ANGPTL5: variants seen among roughly 807,000 people sequenced by gnomAD.
The protein encoded by ANGPTL5 is angiopoietin-related protein 5.
In ANGPTL5, 34 loss-of-function variants were observed where a neutral mutation model predicts 39.4. The observed-to-expected ratio is 0.86, with a 90% CI of 0.66 to 1.15. The LOEUF (loss-of-function observed/expected upper bound fraction) is 1.15, where lower values mean the gene tolerates loss of function less well. Ranked by LOEUF, ANGPTL5 falls within the 50% of genes most tolerant of loss-of-function variation. The pLI, the probability that ANGPTL5 is intolerant of heterozygous loss-of-function variation, is 0.00. For synonymous variants in ANGPTL5, 146 were observed against 152.1 expected (o/e 0.96, Z 0.29); for missense variants, 467 against 457.5 (o/e 1.02, Z -0.19).
At chr11:101,914,028 C>T (rs879518732) in intron 1 of ANGPTL5, among the ~76,000 whole-genome samples, 2 of 152,154 alleles carry the variant, frequency 1.3e-5, no homozygotes, top group Non-Finnish European at 2.9e-5. Context: ...TAAAATCTGT[C>T]GCCAGTGTAC....
intron 1 of ANGPTL5, chr11:101,915,053 C>A (rs925988987): frequency 2.0e-6 from 1 of 505,752 alleles, no homozygotes; most frequent in East Asian, 3.2e-5. Flanking sequence ...GGGTTGCTGC[C>A]GCCCCATCTG....
chr11:101,901,015 C>CTTTTTTTTTTTTTTTTTTTTTTTTTT (rs34425298), intron 6 of ANGPTL5, among the ~76,000 whole-genome samples: 1 of 98,658 alleles, frequency 1.0e-5, no homozygotes, highest in Non-Finnish European at 1.9e-5. Flanking sequence ...GCACCCCCGG[C>CTTTTTTTTTTTTTTTTTTTTTTTTTT]TTTTTTTTTT....
chr11:101,900,476 G>T lies in ANGPTL5; in HGVS notation c.615C>A (p.Phe205Leu). ...CCAGATAATCACACCACAACCTCTG[G>T]AAATCAATTATCCCATCAATTCTTT... ...IQKRIDGIIDFQRLWCDYLDG... is the reference protein window; with the variant it reads ...IQKRIDGIIDLQRLWCDYLDG... Residue 205 changes from phenylalanine to leucine, a missense_variant, in exon 7 of 9, where the codon TTC becomes TTA. Transcript: ENST00000334289. 1.2e-6 allele frequency: 2 copies of T among 1,613,468 alleles called. No individual in the cohort carries two copies. The highest frequency in any genetic ancestry group is 1.7e-6 in the Non-Finnish European group (2 of 1,179,714).
At chr11:101,912,167 T>A (rs758658552) in intron 1 of ANGPTL5, among the ~76,000 whole-genome samples, 1 of 152,276 alleles carries the variant, frequency 6.6e-6, no homozygotes, top group Non-Finnish European at 1.5e-5. Flanking sequence ...ACCTGGAAAG[T>A]GCTTGGCACA....
chr11:101,902,348 C>A (rs954162222), intron 6 of ANGPTL5, among the ~76,000 whole-genome samples: 5 of 152,086 alleles, frequency 3.3e-5, no homozygotes, highest in Non-Finnish European at 5.9e-5. Flanking sequence ...ATAATACAAG[C>A]TTTTGCATCA....
rs563878683 is a variant in ANGPTL5, at chr11:101,901,354, G to C, written c.541-804C>G. ...GCACGGCTAAATATTTCACGTGCTT[G>C]TCTTTGCTCTTTTCTCCCACAAACC... On this transcript the variant is annotated intron_variant, in intron 6 of 8. Transcript: ENST00000334289. Among the ~76,000 whole-genome samples the C allele has an allele frequency of 5.3e-5, 8 of 152,156 alleles. No individual in the cohort carries two copies. The South Asian group carries it at 1.5e-3, about 28-fold the overall frequency.
chr11:101,913,281 A>C (rs1336377998), intron 1 of ANGPTL5, among the ~76,000 whole-genome samples: 1 of 152,242 alleles, frequency 6.6e-6, no homozygotes, highest in African/African-American at 2.4e-5. Context: ...ATGCAATTAA[A>C]TGTTAAGTCT....
In ANGPTL5 at chr11:101,908,002, C is replaced by T; in HGVS notation, c.-92-1G>A. On this transcript the variant is annotated splice_acceptor_variant, in intron 1 of 8. Coordinates refer to ENST00000334289, the MANE Select transcript of ANGPTL5 (RefSeq NM_178127.5). LOFTEE classifies it low-confidence loss of function (5UTR_SPLICE). ...GCATAGAGTCTTCAGTTAAAAACCTCTGGAAAGCGTACAACAAAAACATAA... is the reference window on the plus strand; with the variant it reads ...GCATAGAGTCTTCAGTTAAAAACCTTTGGAAAGCGTACAACAAAAACATAA... 2 of 931,450 alleles carry T rather than the reference C, an allele frequency of 2.1e-6. No homozygotes were observed. Among genetic ancestry groups the T allele is most frequent in the Non-Finnish European group, 3.4e-6 (2 of 587,946 alleles). 57.7% of individuals were successfully genotyped at this position (931,450 alleles called of 1,614,324 possible).
intron 5 of ANGPTL5, 132 bp downstream of exon 5, chr11:101,904,682 T>A (rs1200737719): frequency 1.3e-6 from 1 of 766,814 alleles, no homozygotes; most frequent in Non-Finnish European, 2.2e-6. Flanking sequence ...ATAGCAGGTA[T>A]TAGCCCTCCA....
intron 8 of ANGPTL5, among the ~76,000 whole-genome samples, chr11:101,894,101 C>G (rs1052503262): frequency 6.6e-6 from 1 of 152,188 alleles, no homozygotes; most frequent in African/African-American, 2.4e-5. Context: ...CAACTGAAAT[C>G]ATTCTCACCC....
intron 1 of ANGPTL5, chr11:101,915,418 C>T (rs1007894009): frequency 6.2e-6 from 10 of 1,602,938 alleles, no homozygotes; most frequent in Middle Eastern, 1.7e-4. Flanking sequence ...TACCTGTATC[C>T]TTCCCAGCCT....
rs770759940 is a variant in ANGPTL5, at chr11:101,907,856, A to G, written c.54T>C (p.Ile18=). 5 of 1,611,074 alleles carry G rather than the reference A, an allele frequency of 3.1e-6. No individual in the cohort carries two copies. The Admixed American group carries it at 6.7e-5, about 21-fold the overall frequency. The change falls in exon 2 of 9, where the codon ATT becomes ATC. Residue 18 remains isoleucine (I), a synonymous_variant. Transcript: ENST00000334289. ...AGTTACCTTGTACAGCTTCTCCACA[A>G]ATAAAAATACATACATTTAAGAATA... The part of the protein sequence containing the change: ...SLLFLNVCIF[I]CGEAVQGNCV...
At chr11:101,895,832 A>T (rs1939781455) in intron 7 of ANGPTL5, among the ~76,000 whole-genome samples, 1 of 152,160 alleles carries the variant, frequency 6.6e-6, no homozygotes, top group Admixed American at 6.5e-5. Flanking sequence ...ATATGCCTCT[A>T]CTTGAATCAT....
chr11:101,913,202 T>A (rs1940120421), intron 1 of ANGPTL5, among the ~76,000 whole-genome samples: 1 of 152,210 alleles, frequency 6.6e-6, no homozygotes, highest in Admixed American at 6.5e-5. Context: ...CTGGCCAGTT[T>A]AAGAGGACTG....
chr11:101,913,768 T>C (rs1565344820), intron 1 of ANGPTL5, among the ~76,000 whole-genome samples: 1 of 152,186 alleles, frequency 6.6e-6, no homozygotes, highest in East Asian at 1.9e-4. Context: ...TATTCATCTG[T>C]ACTTTGCACT....
chr11:101,915,659 T>G (rs916443631), intron 1 of ANGPTL5, among the ~76,000 whole-genome samples: 92 of 152,188 alleles, frequency 6.0e-4, no homozygotes, highest in African/African-American at 2.2e-3. Context: ...TTTGTAAAAT[T>G]TTTGTGAATT....
rs1270747171 is a variant in ANGPTL5, at chr11:101,894,949, A to G, written c.777T>C (p.Tyr259=). 2 of 1,612,980 alleles carry G rather than the reference A, an allele frequency of 1.2e-6. No individual in the cohort carries two copies. The highest frequency in any genetic ancestry group is 1.7e-6 in the Non-Finnish European group (2 of 1,179,246). ...TTTCATCCTCTAGCCAAAAATTATCATATGATGCATAAGCAAGAGTGTCAT... is the reference window on the plus strand; with the variant it reads ...TTTCATCCTCTAGCCAAAAATTATCGTATGATGCATAAGCAAGAGTGTCAT... ...SEDDTLAYAS[Y]DNFWLEDETR... The change falls in exon 8 of 9, where the codon TAT becomes TAC. Residue 259 remains tyrosine (Y), a synonymous_variant. Transcript: ENST00000334289.
Position 101,902,731 on chromosome 11 carries a change from C to A in ANGPTL5, c.440-10G>T. 1 of 1,538,962 alleles carries A rather than the reference C, an allele frequency of 6.5e-7. No individual in the cohort carries two copies. On this transcript the variant is annotated splice_polypyrimidine_tract_variant and intron_variant, in intron 5 of 8. Transcript: ENST00000334289. ...TCAGTGCAATCTAAACCTAGAAAAG[C>A]AAAATTATTTAATTGGGATATTTTC...
intron 6 of ANGPTL5, among the ~76,000 whole-genome samples, chr11:101,901,208 T>C (rs750365187): frequency 6.6e-5 from 10 of 152,058 alleles, no homozygotes; most frequent in Non-Finnish European, 1.3e-4. Context: ...TATCCTCTTA[T>C]TACTCAACTT....
Sources: gnomAD v4.1 joint callset for allele counts (sites outside exome capture counted in the v4.1 genomes callset) on GRCh38, gnomAD v4.1.1 for gene constraint, MANE v1.5 for transcripts, NCBI Gene and HGNC (gene_info 2026-07-23, HGNC 2026-07-21) for gene names.